CLEC19A: variants seen among roughly 807,000 people sequenced by gnomAD.
CLEC19A encodes C-type lectin domain containing 19A.
Under a neutral mutation model 26.1 loss-of-function variants are expected in CLEC19A, and 21 were observed. The ratio of observed to expected loss-of-function variants is 0.80; its 90% CI spans 0.57 to 1.16. The LOEUF is 1.16. CLEC19A is among the 50% of genes most tolerant of loss of function. The pLI is 0.00. For synonymous variants in CLEC19A, 89 were observed against 88.6 expected (o/e 1.00, Z -0.03); for missense variants, 224 against 227.6 (o/e 0.98, Z 0.10).
chr16:19,296,862 G>A lies in CLEC19A; in HGVS notation c.89-1811G>A, dbSNP rs1557514. ...CCCCTGAGTGGATGGCTACAAAAGG[G>A]ACCCCAATGATCATCTAGTTTGAAG... On this transcript the variant is annotated intron_variant, in intron 1 of 4. Coordinates refer to ENST00000636231, the MANE Select transcript of CLEC19A (RefSeq NM_001256720.2). 5.4e-3 allele frequency among the ~76,000 whole-genome samples: 815 copies of A among 152,254 alleles called. 6 individuals carry two copies. The highest frequency in any genetic ancestry group is 8.5e-3 in the Non-Finnish European group (579 of 68,020).
intron 1 of CLEC19A, among the ~76,000 whole-genome samples, chr16:19,294,192 C>T (rs140777311): frequency 3.2e-3 from 488 of 151,902 alleles, no homozygotes; most frequent in African/African-American, 0.011. Context: ...AGAGCAGAGA[C>T]GTCCAGATTA....
chr16:19,298,798 T>C lies in CLEC19A; in HGVS notation c.214T>C (p.Ser72Pro), dbSNP rs1355076759. The part of the protein sequence containing the change: ...AEADLYCSEF[S>P]VGRKSAKLAS... ...GGCCGACCTCTACTGTTCTGAGTTC[T>C]CTGTGGGCAGGAAGTCCGCCAAGCT... Residue 72 changes from serine to proline, a missense_variant, in exon 2 of 5, where the codon TCT becomes CCT. Transcript: ENST00000636231. 1 of 1,550,674 alleles carries C rather than the reference T, an allele frequency of 6.4e-7. No homozygotes were observed. The highest frequency in any genetic ancestry group is 2.0e-5 in the Admixed American group (1 of 51,008).
At chr16:19,287,335 C>G (rs1897492749) in intron 1 of CLEC19A, among the ~76,000 whole-genome samples, 1 of 152,124 alleles carries the variant, frequency 6.6e-6, no homozygotes, top group South Asian at 2.1e-4. Context: ...TGGTCTCTTC[C>G]TCTTATAAGC....
chr16:19,297,174 G>T (rs1304279284), intron 1 of CLEC19A, among the ~76,000 whole-genome samples: 1 of 152,138 alleles, frequency 6.6e-6, no homozygotes, highest in African/African-American at 2.4e-5. Context: ...TTAAAAATTT[G>T]TTTCTTTTTA....
rs1265947901 is a variant in CLEC19A, at chr16:19,301,725, AGGTTTTTTT to A, written c.255-2327_255-2319del. On this transcript the variant is annotated intron_variant, in intron 2 of 4. Coordinates refer to ENST00000636231, the MANE Select transcript of CLEC19A (RefSeq NM_001256720.2). ...ACTACAGGCGCATGACACCATGCCC[AGGTTTTTTT>A]GGTTTTTTTTTTTTTTTTTTTTTTT... is the stretch of plus-strand genomic sequence containing the variant. 2.5e-4 allele frequency among the ~76,000 whole-genome samples: 17 copies of A among 67,068 alleles called. 1 individual carries two copies. The highest frequency in any genetic ancestry group is 1.0e-3 in the African/African-American group (17 of 17,038). The allele number at this position is 67,068 out of a possible 152,430, so 44.0% of individuals were successfully genotyped here. A position where few individuals can be genotyped will look rare whatever the true frequency, so the allele number is the denominator to read the frequency against.
intron 1 of CLEC19A, among the ~76,000 whole-genome samples, chr16:19,290,058 G>A (rs1015315604): frequency 6.6e-6 from 1 of 152,156 alleles, no homozygotes; most frequent in Admixed American, 6.5e-5. Flanking sequence ...GCATTTGTGG[G>A]CGGCTGGATT....
intron 3 of CLEC19A, among the ~76,000 whole-genome samples, chr16:19,304,672 G>A (rs567129300): frequency 6.6e-6 from 1 of 151,808 alleles, no homozygotes; most frequent in African/African-American, 2.4e-5. Flanking sequence ...CTGCACTCCA[G>A]CCTGGGTGAC....
chr16:19,306,136 C>T (rs965236687), intron 3 of CLEC19A, among the ~76,000 whole-genome samples: 2 of 149,078 alleles, frequency 1.3e-5, no homozygotes, highest in Non-Finnish European at 2.9e-5. Flanking sequence ...AGCCACCTCG[C>T]CCGGCCTATT....
chr16:19,307,439 T>G, intron 3 of CLEC19A, 106 bp from the exon 4 acceptor site: 1 of 1,224,414 alleles, frequency 8.2e-7, no homozygotes, highest in Non-Finnish European at 1.1e-6. Flanking sequence ...TGTGCAGAGG[T>G]GTTAGAAATT....
chr16:19,306,005 G>C (rs577683746), intron 3 of CLEC19A, among the ~76,000 whole-genome samples: 86 of 152,018 alleles, frequency 5.7e-4, no homozygotes, highest in African/African-American at 2.0e-3. Context: ...CACCATGCCC[G>C]GCTAATTTTT....
In CLEC19A at chr16:19,309,177, A is replaced by C; in HGVS notation, c.*94A>C. The C allele has an allele frequency of 5.5e-6, 5 of 910,956 alleles. No individual in the cohort carries two copies. The highest frequency in any genetic ancestry group is 2.2e-5 in the Admixed American group (1 of 45,550). The allele number at this position is 910,956 out of a possible 1,614,324, so 56.4% of individuals were successfully genotyped here. On this transcript the variant is annotated 3_prime_UTR_variant, in exon 5 of 5. Coordinates refer to ENST00000636231, the MANE Select transcript of CLEC19A (RefSeq NM_001256720.2). Reference sequence around the variant, plus strand: ...GACATTGAATACATGTAAAACATACATAGGAAGTAAATCTCTTGGACAGAG... The same window carrying C: ...GACATTGAATACATGTAAAACATACCTAGGAAGTAAATCTCTTGGACAGAG...
At chr16:19,300,289 C>G (rs1049864114) in intron 2 of CLEC19A, among the ~76,000 whole-genome samples, 2 of 151,802 alleles carry the variant, frequency 1.3e-5, no homozygotes, top group African/African-American at 4.8e-5. Flanking sequence ...TGTCTCATGC[C>G]TGTAATCCCA....
chr16:19,293,135 A>G (rs543852867), intron 1 of CLEC19A, among the ~76,000 whole-genome samples: 3 of 152,352 alleles, frequency 2.0e-5, no homozygotes, highest in African/African-American at 7.2e-5. Flanking sequence ...GGGAAAAAAG[A>G]GATTATTTTT....
At chr16:19,287,223 T>A (rs1238396442) in intron 1 of CLEC19A, among the ~76,000 whole-genome samples, 1 of 152,054 alleles carries the variant, frequency 6.6e-6, no homozygotes, top group African/African-American at 2.4e-5. Context: ...AAGTTCAAGA[T>A]CAGGATGCCA....
At chr16:19,288,507 C>T (rs567490575) in intron 1 of CLEC19A, among the ~76,000 whole-genome samples, 130 of 152,268 alleles carry the variant, frequency 8.5e-4, no homozygotes, top group African/African-American at 2.8e-3. Context: ...ATCACCCACC[C>T]CTTGCATATG....
intron 3 of CLEC19A, among the ~76,000 whole-genome samples, chr16:19,306,626 A>G (rs1250448911): frequency 2.0e-5 from 3 of 152,206 alleles, no homozygotes; most frequent in Admixed American, 2.0e-4. Flanking sequence ...ATACAAGAAA[A>G]TGCCTTTTCT....
At chr16:19,305,058 G>T (rs1897922385) in intron 3 of CLEC19A, 1 of 152,424 alleles carries the variant, frequency 6.6e-6, no homozygotes, top group Non-Finnish European at 1.5e-5. Flanking sequence ...TGTGAATGCA[G>T]TGGCAGCTCC....
chr16:19,289,195 A>T (rs761114280), intron 1 of CLEC19A, among the ~76,000 whole-genome samples: 1 of 152,152 alleles, frequency 6.6e-6, no homozygotes, highest in Non-Finnish European at 1.5e-5. Context: ...CCCGGATCCT[A>T]AAGTGTCCCT....
rs954660298 is a variant in CLEC19A, at chr16:19,309,176, C to T, written c.*93C>T. On this transcript the variant is annotated 3_prime_UTR_variant, in exon 5 of 5. Coordinates refer to ENST00000636231, the MANE Select transcript of CLEC19A (RefSeq NM_001256720.2). Reference sequence around the variant, plus strand: ...TGACATTGAATACATGTAAAACATACATAGGAAGTAAATCTCTTGGACAGA... The same window carrying T: ...TGACATTGAATACATGTAAAACATATATAGGAAGTAAATCTCTTGGACAGA... 4.4e-6 allele frequency: 4 copies of T among 913,670 alleles called. No individual in the cohort carries two copies. In the African/African-American group the frequency reaches 5.0e-5, roughly 11 times the overall value. The allele number at this position is 913,670 out of a possible 1,614,324, so 56.6% of individuals were successfully genotyped here.
Sources: gnomAD v4.1 joint callset for allele counts (sites outside exome capture counted in the v4.1 genomes callset) on GRCh38, gnomAD v4.1.1 for gene constraint, MANE v1.5 for transcripts, NCBI Gene and HGNC (gene_info 2026-07-23, HGNC 2026-07-21) for gene names.